TMEM132D: variants seen among roughly 807,000 people sequenced by gnomAD.
The protein encoded by TMEM132D is transmembrane protein 132D, also known as mature OL transmembrane protein.
A neutral mutation model predicts 62.3 loss-of-function variants in TMEM132D; 21 were observed. That is an observed-to-expected ratio of 0.34 (90% CI 0.24 to 0.49). The LOEUF is 0.49. Among genes scored for constraint, TMEM132D ranks in the 20% least tolerant of loss-of-function variants. The pLI, the probability that TMEM132D is intolerant of heterozygous loss-of-function variation, is 0.99. For synonymous variants in TMEM132D, 621 were observed against 575.6 expected, an observed-to-expected ratio of 1.08 and a Z score of -1.13; for missense variants, 1,346 against 1,402.8, an observed-to-expected ratio of 0.96 and a Z score of 0.65.
At chr12:129,101,688 T>C (rs1417458260) in intron 5 of TMEM132D, among the ~76,000 whole-genome samples, 1 of 152,226 alleles carries the variant, frequency 6.6e-6, no homozygotes, top group Non-Finnish European at 1.5e-5. Context: ...TCCAAGGTAG[T>C]TGCTTGTTTC....
intron 1 of TMEM132D, among the ~76,000 whole-genome samples, chr12:129,875,549 T>C (rs1414508584): frequency 6.6e-6 from 1 of 152,030 alleles, no homozygotes; most frequent in Non-Finnish European, 1.5e-5. Context: ...GATTTGTAGG[T>C]TCAAATTTAA....
At chr12:129,090,268 TCTC>T (rs776663652) in intron 5 of TMEM132D, among the ~76,000 whole-genome samples, 13 of 152,160 alleles carry the variant, frequency 8.5e-5, no homozygotes, top group Non-Finnish European at 1.8e-4. Flanking sequence ...TGGCCACAGT[TCTC>T]CTTGCTTCAG....
At chr12:129,137,836 A>G (rs1876629618) in intron 5 of TMEM132D, among the ~76,000 whole-genome samples, 1 of 152,094 alleles carries the variant, frequency 6.6e-6, no homozygotes, top group African/African-American at 2.4e-5. Flanking sequence ...CTCCCTACAA[A>G]CATTGCTGAG....
At chr12:129,709,101 GT>G (rs1273801896) in intron 1 of TMEM132D, among the ~76,000 whole-genome samples, 1 of 152,158 alleles carries the variant, frequency 6.6e-6, no homozygotes, top group East Asian at 1.9e-4. Flanking sequence ...TTGACCAAGA[GT>G]TTTTTAATGG....
At chr12:129,546,422 G>C (rs909073849) in intron 2 of TMEM132D, among the ~76,000 whole-genome samples, 1 of 152,002 alleles carries the variant, frequency 6.6e-6, no homozygotes. Flanking sequence ...ATTTCAAATA[G>C]GCAGCTCCCT....
At chr12:129,261,237 C>T (rs1880543598) in intron 4 of TMEM132D, among the ~76,000 whole-genome samples, 1 of 152,138 alleles carries the variant, frequency 6.6e-6, no homozygotes, top group Admixed American at 6.5e-5. Flanking sequence ...GCTGTGTCCC[C>T]ACCCAAATCT....
intron 4 of TMEM132D, among the ~76,000 whole-genome samples, chr12:129,329,002 A>G (rs1254095624): frequency 2.0e-5 from 3 of 148,412 alleles, no homozygotes; most frequent in Non-Finnish European, 4.5e-5. Flanking sequence ...TAAAGAACAT[A>G]TATATATAAA....
chr12:129,353,416 AACCCAAACTGTTCAAACATC>A (rs1305208169), intron 3 of TMEM132D, among the ~76,000 whole-genome samples: 2 of 152,170 alleles, frequency 1.3e-5, no homozygotes, highest in African/African-American at 4.8e-5. Context: ...GGTCTGAAGG[AACCCAAACTGTTCAAACATC>A]ACTTCCGAAC....
chr12:129,152,505 G>GAC (rs1385498575), intron 5 of TMEM132D, among the ~76,000 whole-genome samples: 18 of 152,174 alleles, frequency 1.2e-4, no homozygotes, highest in Non-Finnish European at 4.4e-5. Context: ...GATTTGACCT[G>GAC]ACATGAGCCT....
intron 2 of TMEM132D, among the ~76,000 whole-genome samples, chr12:129,583,412 T>C (rs530276515): frequency 6.6e-6 from 1 of 152,336 alleles, no homozygotes; most frequent in Admixed American, 6.5e-5. Flanking sequence ...CGTGTATTGA[T>C]GGTGGCAGGT....
chr12:129,561,065 A>C (rs1877212124), intron 2 of TMEM132D, among the ~76,000 whole-genome samples: 1 of 152,186 alleles, frequency 6.6e-6, no homozygotes, highest in Admixed American at 6.5e-5. Flanking sequence ...GAGTGCAATG[A>C]AGGAAGGAAG....
In TMEM132D at chr12:129,074,601, G is replaced by T. The variant is rs200360275; in HGVS notation, c.2574C>A (p.Asp858Glu). Residue 858 changes from aspartate to glutamate, a missense_variant, in exon 9 of 9, where the codon GAC becomes GAA. By Grantham distance (45) the Asp-to-Glu change is conservative (BLOSUM62 2). Transcript: ENST00000422113. ...CTTTCTTCTTCTGCAGGATGGACCT[G>T]TCTGTCGTGGTGCCCCGTCCCTCCA... The part of the protein sequence containing the change: ...GLMEGRGTTT[D>E]RSILQKKKGQ... 6.2e-7 allele frequency: 1 copy of T among 1,614,090 alleles called. No homozygotes were observed. The highest frequency in any genetic ancestry group is 1.3e-5 in the African/African-American group (1 of 75,002).
At chr12:129,227,873 T>C (rs990898290) in intron 4 of TMEM132D, among the ~76,000 whole-genome samples, 13 of 152,188 alleles carry the variant, frequency 8.5e-5, no homozygotes, top group Admixed American at 7.9e-4. Context: ...CTTGCGATAG[T>C]TTGCTGAGAA....
chr12:129,610,498 T>G (rs1878743816), intron 2 of TMEM132D, among the ~76,000 whole-genome samples: 1 of 152,140 alleles, frequency 6.6e-6, no homozygotes, highest in Non-Finnish European at 1.5e-5. Flanking sequence ...CCTACTTCCA[T>G]AAAGCATTAA....
intron 7 of TMEM132D, 139 bp from the exon 8 acceptor site, chr12:129,078,864 C>T (rs1434328914): frequency 5.0e-5 from 38 of 758,420 alleles, no homozygotes; most frequent in Non-Finnish European, 7.9e-5. Context: ...GCCTTTCCCA[C>T]TCACACCACC....
chr12:129,480,152 G>A (rs1342762476), intron 3 of TMEM132D, among the ~76,000 whole-genome samples: 1 of 152,228 alleles, frequency 6.6e-6, no homozygotes, highest in African/African-American at 2.4e-5. Flanking sequence ...GGAGGGTCCA[G>A]GCAGCGGGGA....
intron 1 of TMEM132D, among the ~76,000 whole-genome samples, chr12:129,876,109 A>AACT (rs1226748982): frequency 6.6e-6 from 1 of 152,222 alleles, no homozygotes; most frequent in African/African-American, 2.4e-5. Context: ...TAGTTCCAGA[A>AACT]ACAAGACATA....
chr12:129,379,544 C>T (rs148290409), intron 3 of TMEM132D, among the ~76,000 whole-genome samples: 3 of 152,328 alleles, frequency 2.0e-5, no homozygotes, highest in South Asian at 2.1e-4. Flanking sequence ...CCTACCCTGG[C>T]ATAGTTGAGT....
Position 129,410,746 on chromosome 12 carries a change from T to TA in TMEM132D, c.1116-72930_1116-72929insT, listed in dbSNP as rs1167488737. Among the ~76,000 whole-genome samples, 4 of 152,288 alleles carry TA rather than the reference T, an allele frequency of 2.6e-5. No individual in the cohort carries two copies. In the East Asian group the frequency reaches 7.7e-4, roughly 29 times the overall value. ...ATTGGAAGTGAATTGAATTTATATA[T>TA]TTTTTTAACTTTTAAGTTCAGGAGT... On this transcript the variant is annotated intron_variant, in intron 3 of 8. Transcript: ENST00000422113.
Sources: gnomAD v4.1 joint callset for allele counts (sites outside exome capture counted in the v4.1 genomes callset) on GRCh38, gnomAD v4.1.1 for gene constraint, MANE v1.5 for transcripts, NCBI Gene and HGNC (gene_info 2026-07-23, HGNC 2026-07-21) for gene names.